ACTA2: variants seen among roughly 807,000 people sequenced by gnomAD.
ACTA2 encodes the protein actin alpha 2, smooth muscle, also known as actin, aortic smooth muscle.
In ACTA2, 12 loss-of-function variants were observed where a neutral mutation model predicts 39.5. The ratio of observed to expected loss-of-function variants is 0.30; its 90% CI spans 0.19 to 0.49. The LOEUF (loss-of-function observed/expected upper bound fraction) is 0.49, where lower values mean the gene tolerates loss of function less well. Ranked by LOEUF, ACTA2 falls within the 20% of genes least tolerant of loss-of-function variation. The probability of loss-of-function intolerance (pLI) is 0.99; values close to 1 mark genes in which losing one functional copy is unlikely to be tolerated. For synonymous variants in ACTA2, 158 were observed against 180.6 expected (o/e 0.88, Z 1.00); for missense variants, 236 against 498.8 (o/e 0.47, Z 5.02).
intron 3 of ACTA2, among the ~76,000 whole-genome samples, chr10:88,945,065 A>T (rs1845921065): frequency 6.6e-6 from 1 of 152,220 alleles, no homozygotes. Flanking sequence ...CAGACTGCTC[A>T]AAAAATCCTG....
intron 1 of ACTA2, 98 bp from the exon 2 acceptor site, chr10:88,949,051 C>G: frequency 8.7e-7 from 1 of 1,153,714 alleles, no homozygotes; most frequent in South Asian, 1.3e-5. Context: ...GGGGGCCCTC[C>G]TCTGTGTCCT....
chr10:88,989,258 CT>C (rs1847024354), intron 1 of ACTA2, among the ~76,000 whole-genome samples: 1 of 152,142 alleles, frequency 6.6e-6, no homozygotes. Flanking sequence ...GTCCTTTCCC[CT>C]TTTTTTCTCT....
intron 1 of ACTA2, among the ~76,000 whole-genome samples, chr10:88,962,426 A>G (rs1217694305): frequency 1.3e-5 from 2 of 152,154 alleles, no homozygotes; most frequent in East Asian, 1.9e-4. Flanking sequence ...AAATGTCATC[A>G]AGGATTAGTG....
chr10:88,959,268 AT>A (rs1313174774), intron 1 of ACTA2, among the ~76,000 whole-genome samples: 2 of 152,218 alleles, frequency 1.3e-5, no homozygotes, highest in Admixed American at 6.5e-5. Context: ...TGCAACTGAA[AT>A]TGCCTAAGGG....
chr10:88,981,759 C>T (rs1369889445), intron 1 of ACTA2, among the ~76,000 whole-genome samples: 5 of 152,122 alleles, frequency 3.3e-5, no homozygotes, highest in Admixed American at 6.5e-5. Flanking sequence ...CCAGATACTA[C>T]GTGTTTCAGT....
upstream of ACTA2, among the ~76,000 whole-genome samples, chr10:88,954,288 T>C (rs1486637333): frequency 6.6e-6 from 1 of 152,154 alleles, no homozygotes; most frequent in Non-Finnish European, 1.5e-5. Context: ...GATTAGAAAA[T>C]TTTAAATAGC....
intron 3 of ACTA2, among the ~76,000 whole-genome samples, chr10:88,946,275 C>CT (rs35702314): frequency 0.46 from 54,097 of 116,986 alleles, 13,422 homozygotes; most frequent in East Asian, 0.86. Context: ...TTAATTAAAC[C>CT]TTTTTTTTTT....
chr10:88,943,956 G>T, intron 3 of ACTA2, 49 bp from the exon 4 acceptor site: 1 of 1,556,958 alleles, frequency 6.4e-7, no homozygotes, highest in Non-Finnish European at 8.9e-7. Context: ...GCTGTCATGA[G>T]GTCCTGCATT....
intron 1 of ACTA2, among the ~76,000 whole-genome samples, chr10:88,960,411 T>A (rs149265492): frequency 3.9e-4 from 59 of 152,240 alleles, no homozygotes; most frequent in African/African-American, 1.4e-3. Flanking sequence ...AGAAACCAGA[T>A]CACTGCTCCT....
At chr10:88,976,447 T>C (rs938126870) in intron 1 of ACTA2, among the ~76,000 whole-genome samples, 1 of 152,264 alleles carries the variant, frequency 6.6e-6, no homozygotes, top group Non-Finnish European at 1.5e-5. Context: ...TGGTTCATTA[T>C]GAGGATCACG....
intron 8 of ACTA2, 64 bp downstream of exon 8, chr10:88,937,992 GTTCTT>G: frequency 6.4e-7 from 1 of 1,574,624 alleles, no homozygotes; most frequent in Non-Finnish European, 8.7e-7. Context: ...TCTCTGAAGA[GTTCTT>G]ATCTGTGGTT....
chr10:88,959,554 T>C (rs1480364690), intron 1 of ACTA2, among the ~76,000 whole-genome samples: 4 of 152,212 alleles, frequency 2.6e-5, no homozygotes, highest in Non-Finnish European at 1.5e-5. Context: ...ACTTTTCATA[T>C]TAGAATAGAA....
intron 1 of ACTA2, among the ~76,000 whole-genome samples, chr10:88,976,185 C>T (rs535433493): frequency 4.0e-5 from 6 of 151,188 alleles, no homozygotes; most frequent in East Asian, 1.9e-4. Context: ...TACACTAACA[C>T]TAACTATAGC....
At chr10:88,973,287 T>A (rs1846490776) in intron 1 of ACTA2, 10 of 1,612,132 alleles carry the variant, frequency 6.2e-6, no homozygotes, top group Non-Finnish European at 8.5e-6. Context: ...GATCTCTAGG[T>A]CATCATCACC....
At chr10:88,941,926 T>G in intron 4 of ACTA2, 57 bp from the exon 5 acceptor site, 1 of 1,495,880 alleles carries the variant, frequency 6.7e-7, no homozygotes, top group Non-Finnish European at 9.2e-7. Flanking sequence ...CAAAGAATGG[T>G]CAGGAGAGCA....
At position 88,988,688 on chromosome 10, in the gene ACTA2, C is replaced by T. The variant is rs566471355; in HGVS notation, c.-24+2251G>A. 5.9e-5 allele frequency among the ~76,000 whole-genome samples: 9 copies of T among 152,142 alleles called. No homozygotes were observed. The East Asian group carries it at 1.5e-3, about 26-fold the overall frequency. ...GAATATGCTGGTAAAATAAAAATAA[C>T]CTTTAGAGATGCCCAAACTGTTTTC... On this transcript the variant is annotated intron_variant, in intron 1 of 4. Coordinates refer to the ACTA2 transcript ENST00000415557.
At chr10:88,944,029 G>A in intron 3 of ACTA2, 122 bp from the exon 4 acceptor site, 3 of 785,760 alleles carry the variant, frequency 3.8e-6, no homozygotes, top group Non-Finnish European at 4.3e-6. Context: ...AAGTACTCAT[G>A]CATGTGTCCA....
chr10:88,971,814 T>C (rs1034796724), intron 1 of ACTA2, among the ~76,000 whole-genome samples: 1 of 152,192 alleles, frequency 6.6e-6, no homozygotes, highest in Non-Finnish European at 1.5e-5. Flanking sequence ...CAGAGGGTGA[T>C]GCTCTGATGG....
At chr10:88,944,088 C>A (rs545351258) in intron 3 of ACTA2, among the ~76,000 whole-genome samples, 181 bp from the exon 4 acceptor site, 1 of 152,208 alleles carries the variant, frequency 6.6e-6, no homozygotes, top group East Asian at 1.9e-4. Context: ...AAGTACCTTC[C>A]CAAAGGATTC....
Sources: gnomAD v4.1 joint callset for allele counts (sites outside exome capture counted in the v4.1 genomes callset) on GRCh38, gnomAD v4.1.1 for gene constraint, MANE v1.5 for transcripts, NCBI Gene and HGNC (gene_info 2026-07-23, HGNC 2026-07-21) for gene names.